Variants in DAB1 observed in about 807,000 individuals in gnomAD.
DAB1 encodes the protein DAB adaptor protein 1.
DAB1 carries 15 observed loss-of-function variants against 64.6 expected under a neutral mutation model. The ratio of observed to expected loss-of-function variants is 0.23; its 90% confidence interval spans 0.16 to 0.36. The LOEUF is 0.36. Among genes scored for constraint, DAB1 ranks in the 10% least tolerant of loss-of-function variants. The pLI, the probability that DAB1 is intolerant of heterozygous loss-of-function variation, is 1.00. For synonymous variants in DAB1, 235 were observed against 251.9 expected (o/e 0.93, Z 0.64); for missense variants, 596 against 706.7 (o/e 0.84, Z 1.78).
intron 7 of DAB1, among the ~76,000 whole-genome samples, chr1:57,547,722 T>C (rs1252384609): frequency 1.3e-5 from 2 of 152,180 alleles, no homozygotes; most frequent in South Asian, 4.1e-4. Flanking sequence ...AAAAAGGACA[T>C]GAGTGGAAAA....
chr1:57,181,258 C>T lies in DAB1; in HGVS notation c.68-35829G>A, dbSNP rs144717375. Among the ~76,000 whole-genome samples the T allele has an allele frequency of 1.2e-4, 18 of 152,314 alleles. No individual in the cohort carries two copies. The East Asian group carries it at 3.5e-3, about 29-fold the overall frequency. On this transcript the variant is annotated intron_variant, in intron 2 of 14. Transcript: ENST00000371236. ...CACAGTCCAGGTTTCAGTAGAGTCT[C>T]TACAGAAGAAAGGCTTGCTGTAAAA...
intron 1 of DAB1, among the ~76,000 whole-genome samples, chr1:57,863,442 C>T (rs76458919): frequency 7.8e-4 from 118 of 152,082 alleles, no homozygotes; most frequent in African/African-American, 8.7e-4. Context: ...ACATCAAATA[C>T]GCCAATAGAA....
chr1:58,063,468 C>T (rs953887813), intron 5 of DAB1, among the ~76,000 whole-genome samples: 6 of 152,078 alleles, frequency 3.9e-5, no homozygotes, highest in South Asian at 2.1e-4. Context: ...GTGTATAGCC[C>T]GGGCCCCCAC....
At chr1:57,477,676 T>G (rs1254901472) in intron 7 of DAB1, among the ~76,000 whole-genome samples, 1 of 152,108 alleles carries the variant, frequency 6.6e-6, no homozygotes, top group Non-Finnish European at 1.5e-5. Context: ...ATTCTGCAAG[T>G]GGTGAGAAAT....
At chr1:58,291,740 C>G (rs72912352) in intron 4 of DAB1, among the ~76,000 whole-genome samples, 1 of 152,028 alleles carries the variant, frequency 6.6e-6, no homozygotes, top group African/African-American at 2.4e-5. Context: ...GGGAACCTGG[C>G]GGGGGGAGAC....
chr1:58,414,137 CAT>C (rs1380721652), intron 3 of DAB1, among the ~76,000 whole-genome samples: 6 of 152,204 alleles, frequency 3.9e-5, no homozygotes, highest in Admixed American at 1.3e-4. Context: ...CACTGTCACA[CAT>C]GTGTTCTGTC....
intron 2 of DAB1, among the ~76,000 whole-genome samples, chr1:57,224,193 A>G (rs1438225476): frequency 2.0e-5 from 3 of 152,208 alleles, no homozygotes; most frequent in Admixed American, 6.5e-5. Flanking sequence ...CTCAACAAGC[A>G]TATGTGGGTG....
intron 7 of DAB1, among the ~76,000 whole-genome samples, chr1:57,463,477 A>C (rs1302941544): frequency 1.3e-5 from 2 of 152,184 alleles, no homozygotes; most frequent in Admixed American, 1.3e-4. Flanking sequence ...GGCATAAGGA[A>C]GAAATTCAAT....
intron 1 of DAB1, among the ~76,000 whole-genome samples, chr1:57,855,308 T>C (rs1335826274): frequency 1.3e-5 from 2 of 152,162 alleles, no homozygotes; most frequent in African/African-American, 4.8e-5. Flanking sequence ...CAAAAAATAC[T>C]TGTTGAGTGC....
At chr1:57,412,129 T>C (rs765411951) in intron 1 of DAB1, among the ~76,000 whole-genome samples, 1 of 152,236 alleles carries the variant, frequency 6.6e-6, no homozygotes, top group Non-Finnish European at 1.5e-5. Flanking sequence ...TTTCAGGCAC[T>C]ATGAGCCATG....
At chr1:57,200,434 A>G (rs1664995836) in intron 2 of DAB1, among the ~76,000 whole-genome samples, 1 of 152,212 alleles carries the variant, frequency 6.6e-6, no homozygotes, top group South Asian at 2.1e-4. Flanking sequence ...AAGAAATAAA[A>G]ATCCAGTCTT....
chr1:57,498,214 A>G (rs1644251858), intron 7 of DAB1, among the ~76,000 whole-genome samples: 1 of 152,202 alleles, frequency 6.6e-6, no homozygotes. Flanking sequence ...CTTTTGGGAC[A>G]TTTAGATGCA....
chr1:57,234,414 G>C (rs1475236548), intron 2 of DAB1, among the ~76,000 whole-genome samples: 1 of 152,024 alleles, frequency 6.6e-6, no homozygotes, highest in African/African-American at 2.4e-5. Context: ...TATAAAGTGA[G>C]TATGGTGATA....
At chr1:57,826,161 T>C (rs1046112518) in exon 2 of DAB1, 2 of 152,238 alleles carry the variant, frequency 1.3e-5, no homozygotes, top group Non-Finnish European at 2.9e-5. Context: ...CGTAGGTTAG[T>C]GCCAATAAAC....
chr1:57,737,033 G>C (rs948363400), intron 6 of DAB1, among the ~76,000 whole-genome samples: 2 of 152,156 alleles, frequency 1.3e-5, no homozygotes, highest in Non-Finnish European at 2.9e-5. Flanking sequence ...AATGGGAGGC[G>C]GGTTTTCCGA....
intron 3 of DAB1, among the ~76,000 whole-genome samples, chr1:58,433,239 T>A (rs778961302): frequency 1.3e-5 from 2 of 152,052 alleles, no homozygotes; most frequent in Non-Finnish European, 2.9e-5. Context: ...CAAAAAGCCC[T>A]ATGAGTAAAT....
At chr1:57,816,933 G>C (rs1356668062) in intron 6 of DAB1, among the ~76,000 whole-genome samples, 1 of 152,122 alleles carries the variant, frequency 6.6e-6, no homozygotes, top group East Asian at 1.9e-4. Context: ...TTGTGCAATG[G>C]CATGTCCCCT....
chr1:57,323,181 A>G (rs267646), intron 1 of DAB1, among the ~76,000 whole-genome samples: 67,286 of 151,894 alleles, frequency 0.44, 15,991 homozygotes, highest in East Asian at 0.89. Flanking sequence ...TCCTTCCTGT[A>G]TGTTGCCGGT....
At chr1:57,205,338 G>A (rs1350805198) in intron 2 of DAB1, among the ~76,000 whole-genome samples, 1 of 152,150 alleles carries the variant, frequency 6.6e-6, no homozygotes, top group Non-Finnish European at 1.5e-5. Context: ...TGAGCACCTG[G>A]TAGTGAGTCT....
Sources: gnomAD v4.1 joint callset for allele counts (sites outside exome capture counted in the v4.1 genomes callset) on GRCh38, gnomAD v4.1.1 for gene constraint, MANE v1.5 for transcripts, NCBI Gene and HGNC (gene_info 2026-07-23, HGNC 2026-07-21) for gene names.